The following AMBRA1 variants were observed in gnomAD, a reference collection of about 807,000 sequenced individuals.
AMBRA1 encodes autophagy and beclin 1 regulator 1.
In AMBRA1, 47 loss-of-function variants were observed where a neutral mutation model predicts 125.4. The observed-to-expected ratio is 0.37, with a 90% confidence interval of 0.30 to 0.48. The LOEUF (loss-of-function observed/expected upper bound fraction) is 0.48, where lower values mean the gene tolerates loss of function less well. Ranked by LOEUF, AMBRA1 falls within the 20% of genes least tolerant of loss-of-function variation. AMBRA1 has a pLI of 0.99. For missense variants in AMBRA1, 1,331 were observed against 1,693.4 expected (o/e 0.79, Z 3.76); for synonymous variants, 626 against 655.5 (o/e 0.95, Z 0.69).
intron 8 of AMBRA1, among the ~76,000 whole-genome samples, chr11:46,508,921 C>T (rs1033497281): frequency 6.6e-6 from 1 of 152,206 alleles, no homozygotes; most frequent in African/African-American, 2.4e-5. Context: ...TTTGTCCTAC[C>T]TCCTTAGCAT....
rs573134004 is a variant in AMBRA1 at position 46,593,119 on chromosome 11, T to C, written c.-121+709A>G. On this transcript the variant is annotated intron_variant, in intron 1 of 17. Coordinates refer to ENST00000683756, the MANE Select transcript of AMBRA1 (RefSeq NM_001387011.1). ...AACAGCCAAGAAACCACATGGTTCC[T>C]TTACTTCTGAAGCCTCTTGTGACAG... is the stretch of plus-strand genomic sequence containing the variant. Among the ~76,000 whole-genome samples, 17 of 152,342 alleles carry C rather than the reference T, an allele frequency of 1.1e-4. No homozygotes were observed. In the East Asian group the frequency reaches 3.3e-3, roughly 29 times the overall value.
chr11:46,516,165 C>A (rs185432945), intron 7 of AMBRA1, among the ~76,000 whole-genome samples: 2 of 152,238 alleles, frequency 1.3e-5, no homozygotes, highest in African/African-American at 4.8e-5. Flanking sequence ...ACATTTGCTG[C>A]CCAGACAATA....
chr11:46,486,270 C>G (rs1202381178), intron 11 of AMBRA1, among the ~76,000 whole-genome samples: 1 of 152,112 alleles, frequency 6.6e-6, no homozygotes. Flanking sequence ...AAAGGGAGAT[C>G]AAAGAGATAA....
intron 7 of AMBRA1, among the ~76,000 whole-genome samples, chr11:46,519,259 T>C (rs1317137404): frequency 7.2e-6 from 1 of 138,006 alleles, no homozygotes; most frequent in East Asian, 1.9e-4. Flanking sequence ...CCTGGCCTCA[T>C]ATAATCCACC....
intron 7 of AMBRA1, chr11:46,530,657 T>A (rs1195882054): frequency 6.6e-6 from 1 of 152,198 alleles, no homozygotes; most frequent in Non-Finnish European, 1.5e-5. Context: ...GCCCTCATTG[T>A]CATAATGCCT....
intron 9 of AMBRA1, among the ~76,000 whole-genome samples, chr11:46,503,367 TACA>T (rs1174974784): frequency 2.0e-5 from 3 of 152,296 alleles, no homozygotes; most frequent in Middle Eastern, 6.8e-3. Context: ...TCAAAATATA[TACA>T]ACATTTACAA....
At chr11:46,577,206 C>T (rs527603459) in intron 1 of AMBRA1, among the ~76,000 whole-genome samples, 1 of 152,156 alleles carries the variant, frequency 6.6e-6, no homozygotes, top group Admixed American at 6.5e-5. Flanking sequence ...AGAAACAGCC[C>T]AAATGTTCTT....
At chr11:46,516,800 T>C (rs1951510859) in intron 7 of AMBRA1, among the ~76,000 whole-genome samples, 3 of 152,120 alleles carry the variant, frequency 2.0e-5, no homozygotes, top group Admixed American at 6.5e-5. Context: ...TAGGAGAAAA[T>C]TGAATGCGAT....
chr11:46,579,042 C>CAAGAA (rs1458414244), intron 1 of AMBRA1, among the ~76,000 whole-genome samples: 1 of 39,874 alleles, frequency 2.5e-5, no homozygotes, highest in East Asian at 4.8e-4. Context: ...CACAAGAAAG[C>CAAGAA]AATAAAAAAA....
chr11:46,586,072 G>A (rs2044389526), intron 1 of AMBRA1, among the ~76,000 whole-genome samples: 2 of 152,154 alleles, frequency 1.3e-5, no homozygotes, highest in South Asian at 4.1e-4. Flanking sequence ...CCAAAGTGCT[G>A]GGATTACAGG....
intron 1 of AMBRA1, among the ~76,000 whole-genome samples, chr11:46,583,876 G>C (rs1335940842): frequency 1.4e-5 from 2 of 145,056 alleles, no homozygotes; most frequent in African/African-American, 5.1e-5. Context: ...GGAAACAACA[G>C]GTGCTGGAGA....
At chr11:46,540,732 T>C (rs1952693847) in intron 7 of AMBRA1, among the ~76,000 whole-genome samples, 2 of 152,192 alleles carry the variant, frequency 1.3e-5, no homozygotes, top group Admixed American at 1.3e-4. Flanking sequence ...TACTTCCCTC[T>C]CTCTGAGACT....
chr11:46,418,777 C>G (rs1350659683), intron 14 of AMBRA1, among the ~76,000 whole-genome samples: 1 of 152,162 alleles, frequency 6.6e-6, no homozygotes. Flanking sequence ...CTCTATGGCT[C>G]TAATAATGCG....
intron 15 of AMBRA1, among the ~76,000 whole-genome samples, chr11:46,415,622 G>A (rs1297511372): frequency 6.6e-6 from 1 of 152,064 alleles, no homozygotes; most frequent in Non-Finnish European, 1.5e-5. Context: ...TTACATTTTG[G>A]GCCCTAAGGC....
At chr11:46,568,803 C>CTTTTTT (rs774631588) in intron 1 of AMBRA1, among the ~76,000 whole-genome samples, 3 of 96,466 alleles carry the variant, frequency 3.1e-5, no homozygotes, top group African/African-American at 4.6e-5. Context: ...TCAACCCTAC[C>CTTTTTT]TTTTTTTTTT....
chr11:46,542,138 G>C lies in AMBRA1; in HGVS notation c.1879C>G (p.Pro627Ala). 6.2e-7 allele frequency: 1 copy of C among 1,614,060 alleles called. No homozygotes were observed. Among genetic ancestry groups the C allele is most frequent in the Non-Finnish European group, 8.5e-7 (1 of 1,179,950 alleles). ...CTCAACTCCAGCCTGCTGGAGCTGG[G>C]CGTTTGGCCCTCAGTCCGCTCGAGA... is the stretch of plus-strand genomic sequence containing the variant. ...PPLERTEGQT[P>A]SSSRLELSSS... is the part of the protein sequence containing the mutation. Residue 627 changes from proline (P) to alanine (A), a missense_variant, in exon 7 of 18, where the codon CCC (proline) becomes GCC (alanine). This residue lies in a region of AMBRA1 where 689 missense variants were observed against 776.5 expected (regional missense o/e 0.89). Transcript: ENST00000683756. The surrounding 1 kb of genome is among the most constrained non-coding windows in gnomAD (Gnocchi z 5.9).
intron 11 of AMBRA1, among the ~76,000 whole-genome samples, chr11:46,480,974 T>A (rs1161863474): frequency 6.6e-6 from 1 of 152,206 alleles, no homozygotes; most frequent in Non-Finnish European, 1.5e-5. Context: ...CCCTCAAATT[T>A]GCTGATACTT....
chr11:46,591,914 A>G (rs1042449248), intron 1 of AMBRA1, among the ~76,000 whole-genome samples: 4 of 148,856 alleles, frequency 2.7e-5, no homozygotes, highest in African/African-American at 1.0e-4. Context: ...TTGGAAACTT[A>G]TCCAACCCAG....
chr11:46,507,038 G>A (rs1258335123), intron 9 of AMBRA1, among the ~76,000 whole-genome samples: 59 of 150,240 alleles, frequency 3.9e-4, no homozygotes, highest in African/African-American at 1.4e-3. Flanking sequence ...TTAGCCGGGC[G>A]TGGTGGCAGG....
Sources: gnomAD v4.1 joint callset for allele counts (sites outside exome capture counted in the v4.1 genomes callset) on GRCh38, gnomAD v4.1.1 for gene constraint, gnomAD v4.1.1 regional missense constraint, Gnocchi (gnomAD v3.1) non-coding constraint, MANE v1.5 for transcripts, NCBI Gene and HGNC (gene_info 2026-07-23, HGNC 2026-07-21) for gene names.